The following SAXO4 variants were observed in gnomAD, a reference collection of about 807,000 sequenced individuals.
SAXO4 encodes stabilizer of axonemal microtubules 4.
the SAXO4 span, chr11:61,484,838 G>A: frequency 1.9e-6 from 3 of 1,549,600 alleles, no homozygotes; most frequent in East Asian, 4.9e-5. Flanking sequence ...CCCAGCTAAG[G>A]GCTTCGGGGT....
At chr11:61,490,910 TAAAG>T in the SAXO4 span, 3 of 344,544 alleles carry the variant, frequency 8.7e-6, no homozygotes, top group East Asian at 1.2e-4. Context: ...CCTAATGAAA[TAAAG>T]AGCATTGAAG....
the SAXO4 span, chr11:61,486,026 G>T: frequency 1.3e-6 from 1 of 753,024 alleles, no homozygotes; most frequent in Non-Finnish European, 2.2e-6. Flanking sequence ...AACACAAGAC[G>T]AAAGAGCTTA....
At chr11:61,482,019 G>A in the SAXO4 span, 9 of 835,310 alleles carry the variant, frequency 1.1e-5, no homozygotes, top group Non-Finnish European at 1.5e-5. Flanking sequence ...ACACTGCAGA[G>A]CAACTGCTGA....
the SAXO4 span, chr11:61,482,747 T>G: frequency 6.2e-7 from 1 of 1,613,852 alleles, no homozygotes; most frequent in East Asian, 2.2e-5. Flanking sequence ...CCCTGGAGCA[T>G]GCGCCAGACC....
the SAXO4 span, chr11:61,485,524 A>G: frequency 1.1e-6 from 1 of 916,762 alleles, no homozygotes; most frequent in Non-Finnish European, 1.7e-6. Flanking sequence ...AGAAGGATGC[A>G]CAGGTGGCTG....
the SAXO4 span, among the ~76,000 whole-genome samples, chr11:61,483,552 C>T: frequency 1.3e-5 from 2 of 152,078 alleles, no homozygotes; most frequent in Admixed American, 1.3e-4. Context: ...ATTCATCCAG[C>T]GAGAATGTTC....
the SAXO4 span, chr11:61,485,958 T>A: frequency 7.5e-7 from 1 of 1,328,800 alleles, no homozygotes; most frequent in African/African-American, 1.5e-5. Flanking sequence ...CTTGAAGCCC[T>A]CCAGTCTCAG....
chr11:61,489,698 C>T, the SAXO4 span: 45 of 1,448,938 alleles, frequency 3.1e-5, no homozygotes, highest in Non-Finnish European at 4.2e-5. Flanking sequence ...GCTGGGCGAT[C>T]TGAGGGTCGA....
the SAXO4 span, chr11:61,482,349 G>A: frequency 6.2e-7 from 1 of 1,614,188 alleles, no homozygotes; most frequent in South Asian, 1.1e-5. Context: ...CAGTCACGTA[G>A]GCACCGGCTA....
At chr11:61,486,890 C>T in the SAXO4 span, 58 of 1,428,458 alleles carry the variant, frequency 4.1e-5, 1 homozygote, top group Admixed American at 9.7e-4. Flanking sequence ...CCCTCTCCAT[C>T]CCTGCTGCCT....
chr11:61,487,721 A>G, the SAXO4 span, among the ~76,000 whole-genome samples: 5 of 152,212 alleles, frequency 3.3e-5, no homozygotes, highest in Non-Finnish European at 7.3e-5. Context: ...GCTGGTGGGC[A>G]TGGAAAGAAC....
chr11:61,481,983 A>G, the SAXO4 span: 3 of 1,116,040 alleles, frequency 2.7e-6, no homozygotes, highest in African/African-American at 4.7e-5. Context: ...GCTCTCTCTG[A>G]GGGAGGAGCA....
At chr11:61,487,325 G>T in the SAXO4 span, 1 of 1,180,712 alleles carries the variant, frequency 8.5e-7, no homozygotes. Flanking sequence ...ACAGCCTCGT[G>T]GAGAAGATCA....
At chr11:61,482,596 G>T in the SAXO4 span, 6 of 1,611,344 alleles carry the variant, frequency 3.7e-6, no homozygotes, top group South Asian at 5.5e-5. Flanking sequence ...GAGGAGGGAA[G>T]CTCCTTAGCA....
chr11:61,481,675 G>A, the SAXO4 span: 1 of 536,612 alleles, frequency 1.9e-6, no homozygotes, highest in Non-Finnish European at 3.2e-6. Flanking sequence ...ACAGAGGCCT[G>A]GGAGAAGGGG....
At chr11:61,482,337 G>A in the SAXO4 span, 3 of 1,614,146 alleles carry the variant, frequency 1.9e-6, no homozygotes, top group Non-Finnish European at 2.5e-6. Flanking sequence ...GCCCCGTGTG[G>A]GCAGTCACGT....
At chr11:61,484,425 G>T in the SAXO4 span, among the ~76,000 whole-genome samples, 1 of 152,178 alleles carries the variant, frequency 6.6e-6, no homozygotes, top group Non-Finnish European at 1.5e-5. Flanking sequence ...AAGGCCTCAA[G>T]GTGGGAACAG....
chr11:61,485,342 CACGCTTCATG>C, the SAXO4 span: 231 of 1,613,868 alleles, frequency 1.4e-4, no homozygotes, highest in Non-Finnish European at 1.9e-4. Context: ...TTCCAGGGCC[CACGCTTCATG>C]ACGTCGGAGT....
the SAXO4 span, among the ~76,000 whole-genome samples, chr11:61,487,456 A>C: frequency 6.6e-6 from 1 of 152,198 alleles, no homozygotes; most frequent in African/African-American, 2.4e-5. Flanking sequence ...GAGGGAAGGC[A>C]GCAATAATGA....
Sources: gnomAD v4.1 joint callset for allele counts (sites outside exome capture counted in the v4.1 genomes callset) on GRCh38, gnomAD v4.1.1 for gene constraint, MANE v1.5 for transcripts, NCBI Gene and HGNC (gene_info 2026-07-23, HGNC 2026-07-21) for gene names.